PRKN: variants seen among roughly 807,000 people sequenced by gnomAD.
The protein encoded by PRKN is E3 ubiquitin-protein ligase parkin.
In PRKN, 56 loss-of-function variants were observed where a neutral mutation model predicts 59.5. The ratio of observed to expected loss-of-function variants is 0.94; its 90% CI spans 0.76 to 1.18. The LOEUF is 1.18. Among genes scored for constraint, PRKN ranks in the 50% most tolerant of loss-of-function variants. The pLI is 0.00. For synonymous variants in PRKN, 250 were observed against 222.1 expected, an observed-to-expected ratio of 1.13 and a Z score of -1.12; for missense variants, 657 against 596.4, an observed-to-expected ratio of 1.10 and a Z score of -1.06.
chr6:161,366,592 A>G (rs1355396893), intron 10 of PRKN, among the ~76,000 whole-genome samples: 1 of 152,228 alleles, frequency 6.6e-6, no homozygotes, highest in Non-Finnish European at 1.5e-5. Flanking sequence ...TGAAAACCCA[A>G]CTTAGGAGTG....
intron 7 of PRKN, among the ~76,000 whole-genome samples, chr6:161,747,056 T>C (rs1788462704): frequency 6.6e-6 from 1 of 152,144 alleles, no homozygotes; most frequent in African/African-American, 2.4e-5. Context: ...TTCATAAGCA[T>C]TGGCTGAGAG....
intron 1 of PRKN, among the ~76,000 whole-genome samples, chr6:162,599,779 A>G (rs1213553375): frequency 6.6e-6 from 1 of 152,166 alleles, no homozygotes; most frequent in Non-Finnish European, 1.5e-5. Flanking sequence ...CTTGATGCCT[A>G]ATTTCAACCA....
intron 5 of PRKN, among the ~76,000 whole-genome samples, chr6:162,027,064 G>A (rs12110423): frequency 0.036 from 5,536 of 152,040 alleles, 355 homozygotes; most frequent in African/African-American, 0.13. Flanking sequence ...GGTATGCTGC[G>A]GTCTAGAGCT....
chr6:162,277,724 G>C (rs1352158683), intron 2 of PRKN, among the ~76,000 whole-genome samples: 1 of 152,076 alleles, frequency 6.6e-6, no homozygotes, highest in Non-Finnish European at 1.5e-5. Flanking sequence ...GCAAATTAAC[G>C]CAAGATACCA....
At chr6:162,132,824 G>T (rs1342685742) in intron 4 of PRKN, among the ~76,000 whole-genome samples, 1 of 152,084 alleles carries the variant, frequency 6.6e-6, no homozygotes, top group East Asian at 1.9e-4. Context: ...ATAAGAGGGT[G>T]GGCAGAGAAA....
At chr6:162,401,734 TA>T (rs1787802444) in intron 2 of PRKN, among the ~76,000 whole-genome samples, 2 of 152,168 alleles carry the variant, frequency 1.3e-5, no homozygotes, top group African/African-American at 4.8e-5. Flanking sequence ...AAAATTAAAA[TA>T]AGGAGAATGG....
chr6:162,195,915 TG>T (rs779926180), intron 4 of PRKN, among the ~76,000 whole-genome samples: 2 of 152,246 alleles, frequency 1.3e-5, no homozygotes, highest in African/African-American at 2.4e-5. Context: ...AGATGCTGTA[TG>T]TGCTCTCAGC....
At chr6:162,457,511 C>T (rs867575570) in intron 1 of PRKN, among the ~76,000 whole-genome samples, 2 of 152,034 alleles carry the variant, frequency 1.3e-5, no homozygotes, top group South Asian at 4.1e-4. Flanking sequence ...TATGGTTTCT[C>T]AAGGTGTTTT....
At chr6:161,888,641 T>C (rs1305714770) in intron 6 of PRKN, among the ~76,000 whole-genome samples, 1 of 152,234 alleles carries the variant, frequency 6.6e-6, no homozygotes, top group African/African-American at 2.4e-5. Flanking sequence ...GAACCACTGG[T>C]GTAGGCCTGT....
chr6:162,724,387 T>C (rs1489543218), intron 1 of PRKN, among the ~76,000 whole-genome samples: 1 of 152,150 alleles, frequency 6.6e-6, no homozygotes, highest in Non-Finnish European at 1.5e-5. Context: ...TTTGAAACAG[T>C]CCTCATGCCA....
chr6:162,460,920 G>T (rs1348830759), intron 1 of PRKN, among the ~76,000 whole-genome samples: 2 of 152,110 alleles, frequency 1.3e-5, no homozygotes, highest in Non-Finnish European at 2.9e-5. Context: ...AATATAATTT[G>T]CTCAAATTAC....
chr6:162,522,393 G>A (rs1778114378), intron 1 of PRKN, among the ~76,000 whole-genome samples: 1 of 152,204 alleles, frequency 6.6e-6, no homozygotes, highest in South Asian at 2.1e-4. Flanking sequence ...CAAAGTGCTG[G>A]GATTAGTGGC....
rs546125918 is a variant in PRKN, at chr6:162,404,740, C to T, written c.171+38570G>A. 6.6e-5 allele frequency among the ~76,000 whole-genome samples: 10 copies of T among 152,180 alleles called. No individual in the cohort carries two copies. The South Asian group carries it at 8.3e-4, about 13-fold the overall frequency. On this transcript the variant is annotated intron_variant, in intron 2 of 11. Transcript: ENST00000366898. ...GCTAATTTTGTATTTTGAGTAGAGA[C>T]GGGGTTTTGCCATGTTGGGCAGGCT... is the stretch of plus-strand genomic sequence containing the variant.
chr6:162,565,613 C>G (rs1780033942), intron 1 of PRKN, among the ~76,000 whole-genome samples: 1 of 152,164 alleles, frequency 6.6e-6, no homozygotes, highest in Non-Finnish European at 1.5e-5. Flanking sequence ...TTGCTTGAAC[C>G]TGACAGGCAG....
In PRKN at chr6:162,262,781, G is replaced by GAAA; in HGVS notation, c.172-17_172-16insTTT. The GAAA allele has an allele frequency of 2.3e-6, 3 of 1,326,212 alleles. No homozygotes were observed. Among genetic ancestry groups the GAAA allele is most frequent in the South Asian group, 2.9e-5 (2 of 69,748 alleles). The allele number at this position is 1,326,212 out of a possible 1,614,324, so 82.2% of individuals were successfully genotyped here. ...GGTCACAATTCTGTTTGGGAGCAAGGTAAAAAAAAAAAAAAAAAAAAAGGA... is the reference window on the plus strand; with the variant it reads ...GGTCACAATTCTGTTTGGGAGCAAGGAAATAAAAAAAAAAAAAAAAAAAAAGGA... On this transcript the variant is annotated splice_polypyrimidine_tract_variant and intron_variant, in intron 2 of 11. Coordinates refer to ENST00000366898, the MANE Select transcript of PRKN (RefSeq NM_004562.3).
At chr6:162,531,391 C>T (rs1018204410) in intron 1 of PRKN, among the ~76,000 whole-genome samples, 2 of 152,196 alleles carry the variant, frequency 1.3e-5, no homozygotes, top group Admixed American at 1.3e-4. Flanking sequence ...GCCGGCTGTG[C>T]GGGAGACCTG....
intron 1 of PRKN, among the ~76,000 whole-genome samples, chr6:162,692,131 T>G (rs1050833911): frequency 6.7e-6 from 1 of 150,208 alleles, no homozygotes; most frequent in African/African-American, 2.5e-5. Flanking sequence ...AATGTGCACA[T>G]GTACCCTAAA....
At chr6:162,288,183 A>C (rs1462428512) in intron 2 of PRKN, among the ~76,000 whole-genome samples, 1 of 152,064 alleles carries the variant, frequency 6.6e-6, no homozygotes, top group Non-Finnish European at 1.5e-5. Context: ...GTCCAGAGCC[A>C]CTCTTCTGCC....
chr6:162,581,548 G>A (rs1299545839), intron 1 of PRKN, among the ~76,000 whole-genome samples: 1 of 152,232 alleles, frequency 6.6e-6, no homozygotes, highest in Non-Finnish European at 1.5e-5. Flanking sequence ...ATCACCTGAG[G>A]TCAGGAGTTC....
Sources: gnomAD v4.1 joint callset for allele counts (sites outside exome capture counted in the v4.1 genomes callset) on GRCh38, gnomAD v4.1.1 for gene constraint, MANE v1.5 for transcripts, NCBI Gene and HGNC (gene_info 2026-07-23, HGNC 2026-07-21) for gene names.